The following SP3 variants were observed in gnomAD, a reference collection of about 807,000 sequenced individuals.
SP3 encodes Sp3 transcription factor.
A neutral mutation model predicts 70.3 loss-of-function variants in SP3; 10 were observed. The observed-to-expected ratio is 0.14, with a 90% confidence interval of 0.09 to 0.24. The LOEUF (loss-of-function observed/expected upper bound fraction) is 0.24, where lower values mean the gene tolerates loss of function less well. Among genes scored for constraint, SP3 ranks in the 10% least tolerant of loss-of-function variants. The probability of loss-of-function intolerance (pLI) is 1.00; values close to 1 mark genes in which losing one functional copy is unlikely to be tolerated. For missense variants in SP3, 825 were observed against 914.6 expected (o/e 0.90, Z 1.26); for synonymous variants, 402 against 333.5 (o/e 1.21, Z -2.24).
intron 4 of SP3, among the ~76,000 whole-genome samples, chr2:173,928,574 CAAT>C (rs1689981595): frequency 6.8e-6 from 1 of 147,290 alleles, no homozygotes; most frequent in African/African-American, 2.6e-5. Flanking sequence ...AGACTGTAAA[CAAT>C]CCTGAGTTGG....
Position 173,963,847 on chromosome 2 carries a change from T to C in SP3, c.193A>G (p.Thr65Ala), listed in dbSNP as rs1691170407. ...QPSPLALLAATCSKIGPPSPG... is the reference protein window; with the variant it reads ...QPSPLALLAAACSKIGPPSPG... ...GATGGCGGCCCTATCTTGCTGCAGG[T>C]AGCGGCCAGCAGAGCGAGCGGTGAC... Residue 65 changes from threonine to alanine, a missense_variant, in exon 3 of 7, where the codon ACC becomes GCC. Coordinates refer to ENST00000310015, the MANE Select transcript of SP3 (RefSeq NM_003111.5). The C allele has an allele frequency of 6.7e-7, 1 of 1,497,972 alleles. No homozygotes were observed. Among genetic ancestry groups the C allele is most frequent in the Non-Finnish European group, 8.9e-7 (1 of 1,119,196 alleles). 92.8% of individuals were successfully genotyped at this position (1,497,972 alleles called of 1,614,324 possible). A position where few individuals can be genotyped will look rare whatever the true frequency, so the allele number is the denominator to read the frequency against.
intron 1 of SP3, 172 bp downstream of exon 1, chr2:173,964,993 G>T (rs1249565786): frequency 2.4e-6 from 2 of 831,992 alleles, no homozygotes; most frequent in South Asian, 3.8e-5. Flanking sequence ...GGGGGTGGAC[G>T]GTGGCTGGCG....
chr2:173,918,071 C>A (rs938479185), intron 5 of SP3, among the ~76,000 whole-genome samples: 2 of 151,404 alleles, frequency 1.3e-5, no homozygotes, highest in Non-Finnish European at 2.9e-5. Context: ...AACATAATTT[C>A]TGATCATTTT....
At position 173,907,628 on chromosome 2, in the gene SP3, C is replaced by G. The variant is rs1689368552; in HGVS notation, c.*2313G>C. The G allele has an allele frequency of 6.6e-6, 1 of 152,106 alleles. No homozygotes were observed. Among genetic ancestry groups the G allele is most frequent in the African/African-American group, 2.4e-5 (1 of 41,454 alleles). 9.4% of individuals were successfully genotyped at this position (152,106 alleles called of 1,614,324 possible). A position where few individuals can be genotyped will look rare whatever the true frequency, so the allele number is the denominator to read the frequency against. ...TACACCATAAACTTACTGTAAAAAT[C>G]CAGTATTACTTAAAACATCTCTACT... is the stretch of plus-strand genomic sequence containing the variant. On this transcript the variant is annotated 3_prime_UTR_variant, in exon 7 of 7. Coordinates refer to ENST00000310015, the MANE Select transcript of SP3 (RefSeq NM_003111.5).
chr2:173,937,013 T>C (rs1254621115), intron 4 of SP3, among the ~76,000 whole-genome samples: 1 of 150,772 alleles, frequency 6.6e-6, no homozygotes, highest in Non-Finnish European at 1.5e-5. Context: ...CACTGATTTA[T>C]ATTGTTGATT....
intron 4 of SP3, among the ~76,000 whole-genome samples, chr2:173,933,173 TAA>T (rs1284710370): frequency 6.6e-6 from 1 of 152,038 alleles, no homozygotes; most frequent in African/African-American, 2.4e-5. Context: ...CACAATAAGA[TAA>T]AGCATGCCTA....
rs1336220497 is a variant in SP3 at position 173,965,156 on chromosome 2, T to C, written c.7+9A>G. On this transcript the variant is annotated intron_variant, in intron 1 of 6. Transcript: ENST00000310015. ...CAGCAGCAAGGGTTGCTCTCTCGGC[T>C]TTACGTACCGGTCATAGTGTGTTTA... is the stretch of plus-strand genomic sequence containing the variant. 2 of 1,546,900 alleles carry C rather than the reference T, an allele frequency of 1.3e-6. No homozygotes were observed. Among genetic ancestry groups the C allele is most frequent in the African/African-American group, 2.8e-5 (2 of 72,262 alleles).
At chr2:173,911,641 C>A (rs912988850) in intron 6 of SP3, among the ~76,000 whole-genome samples, 1 of 152,078 alleles carries the variant, frequency 6.6e-6, no homozygotes, top group African/African-American at 2.4e-5. Flanking sequence ...ACCTTTTTCT[C>A]CCTTTTACAT....
upstream of SP3, chr2:173,965,539 A>G: frequency 4.1e-6 from 1 of 246,718 alleles, no homozygotes; most frequent in Non-Finnish European, 7.9e-6. Flanking sequence ...GTGGCAGCGT[A>G]GGTTTTCGAG....
intron 4 of SP3, among the ~76,000 whole-genome samples, chr2:173,928,056 C>T (rs1034417928): frequency 1.1e-4 from 17 of 152,186 alleles, no homozygotes; most frequent in African/African-American, 4.1e-4. Flanking sequence ...AACTCTCCAT[C>T]CTCCACCTCC....
At chr2:173,964,322 TGAGGCGAGGAGGGAGGGGA>T (rs1262246740) in intron 2 of SP3, 64 bp downstream of exon 2, 23 of 452,832 alleles carry the variant, frequency 5.1e-5, no homozygotes, top group African/African-American at 3.5e-4. Context: ...GAGGGAGGGG[TGAGGCGAGGAGGGAGGGGA>T]GAGGCGAGGG....
chr2:173,901,243 G>GGT lies in SP3; in HGVS notation c.*8697_*8698insAC, dbSNP rs1252332232. Among the ~76,000 whole-genome samples, 2 of 147,596 alleles carry GGT rather than the reference G, an allele frequency of 1.4e-5. No homozygotes were observed. The highest frequency in any genetic ancestry group is 3.0e-5 in the Non-Finnish European group (2 of 65,836). On this transcript the variant is annotated 3_prime_UTR_variant, in exon 7 of 7. Coordinates refer to ENST00000310015, the MANE Select transcript of SP3 (RefSeq NM_003111.5). ...AAAATTTTTAGACAAAAATTTTTAT[G>GGT]ACAGTAGGTAAAGAATTTCTTAAGA...
At chr2:173,926,317 T>A (rs566065755) in intron 4 of SP3, among the ~76,000 whole-genome samples, 35 of 152,314 alleles carry the variant, frequency 2.3e-4, no homozygotes, top group Admixed American at 7.8e-4. Flanking sequence ...ACCTCATCTC[T>A]TGGTATTTAA....
At chr2:173,935,168 G>A (rs956185636) in intron 4 of SP3, among the ~76,000 whole-genome samples, 6 of 152,114 alleles carry the variant, frequency 3.9e-5, no homozygotes, top group African/African-American at 4.8e-5. Context: ...CAGGAGGTTC[G>A]GGGCTGCAGT....
chr2:173,945,577 A>G (rs1322078397), intron 4 of SP3, among the ~76,000 whole-genome samples: 2 of 152,212 alleles, frequency 1.3e-5, no homozygotes, highest in Non-Finnish European at 2.9e-5. Context: ...AAAACATAAA[A>G]GGCAATTTAA....
intron 1 of SP3, 77 bp from the exon 2 acceptor site, chr2:173,964,630 C>T: frequency 1.6e-6 from 1 of 616,308 alleles, no homozygotes; most frequent in Non-Finnish European, 3.0e-6. Flanking sequence ...CGGGCCGAAG[C>T]GAAATTACTC....
intron 3 of SP3, among the ~76,000 whole-genome samples, chr2:173,960,814 C>A (rs6733768): frequency 0.074 from 10,641 of 143,362 alleles, 554 homozygotes; most frequent in African/African-American, 0.15. Flanking sequence ...ACTAAAAATA[C>A]AAAAAAAAAA....
rs1321489850 is a variant in SP3, at chr2:173,901,020, G to A, written c.*8921C>T. ...CATTTTGAAATACAGAGAAGGGTGGGCAGAGGAGACTTCCTTACCGGATGT... is the reference window on the plus strand; with the variant it reads ...CATTTTGAAATACAGAGAAGGGTGGACAGAGGAGACTTCCTTACCGGATGT... On this transcript the variant is annotated 3_prime_UTR_variant, in exon 7 of 7. Transcript: ENST00000310015. Among the ~76,000 whole-genome samples, 1 of 152,160 alleles carries A rather than the reference G, an allele frequency of 6.6e-6. No homozygotes were observed. Among genetic ancestry groups the A allele is most frequent in the Non-Finnish European group, 1.5e-5 (1 of 68,014 alleles).
At chr2:173,918,859 T>C (rs1049155034) in intron 4 of SP3, 74 bp from the exon 5 acceptor site, 113 of 1,318,014 alleles carry the variant, frequency 8.6e-5, no homozygotes, top group Non-Finnish European at 1.1e-4. Context: ...AAATTACATG[T>C]CTTCTCCCAA....
Sources: allele counts gnomAD v4.1 joint callset (sites outside exome capture counted in the v4.1 genomes callset), GRCh38; gene constraint gnomAD v4.1.1; transcripts MANE v1.5; gene names NCBI Gene and HGNC (gene_info 2026-07-23, HGNC 2026-07-21).